The following ZNF732 variants were observed in gnomAD, a reference collection of about 807,000 sequenced individuals.
The protein encoded by ZNF732 is zinc finger protein LOC654254.
Under a neutral mutation model 11.5 loss-of-function variants are expected in ZNF732, and 12 were observed. The ratio of observed to expected loss-of-function variants is 1.05; its 90% CI spans 0.67 to 1.70. The LOEUF (loss-of-function observed/expected upper bound fraction) is 1.70, where lower values mean the gene tolerates loss of function less well. ZNF732 is among the 40% of genes most tolerant of loss of function. The probability of loss-of-function intolerance (pLI) is 0.00; values close to 1 mark genes in which losing one functional copy is unlikely to be tolerated. For missense variants in ZNF732, 702 were observed against 676.9 expected, an observed-to-expected ratio of 1.04 and a Z score of -0.41; for synonymous variants, 231 against 236.5, an observed-to-expected ratio of 0.98 and a Z score of 0.21.
chr4:294,519 C>T (rs1719906551), intron 3 of ZNF732, among the ~76,000 whole-genome samples: 1 of 152,040 alleles, frequency 6.6e-6, no homozygotes, highest in Non-Finnish European at 1.5e-5. Flanking sequence ...AATGATTGAG[C>T]GCTTAATATT....
At chr4:272,781 C>T (rs2108651605) in intron 3 of ZNF732, among the ~76,000 whole-genome samples, 151 bp from the exon 4 acceptor site, 1 of 152,022 alleles carries the variant, frequency 6.6e-6, no homozygotes, top group South Asian at 2.1e-4. Flanking sequence ...ATATATGTAA[C>T]AAACATATAC....
intron 3 of ZNF732, among the ~76,000 whole-genome samples, chr4:292,182 C>A (rs1262901451): frequency 6.6e-6 from 1 of 152,104 alleles, no homozygotes; most frequent in African/African-American, 2.4e-5. Flanking sequence ...ATCAAAAGCA[C>A]AGCAACAAAA....
chr4:277,077 T>A (rs895878638), intron 3 of ZNF732, among the ~76,000 whole-genome samples: 1 of 152,000 alleles, frequency 6.6e-6, no homozygotes, highest in Non-Finnish European at 1.5e-5. Context: ...AATGGTGCTA[T>A]GAAAATTATT....
chr4:299,877 T>C (rs1212156546), intron 1 of ZNF732, among the ~76,000 whole-genome samples: 1 of 145,888 alleles, frequency 6.9e-6, no homozygotes, highest in African/African-American at 2.5e-5. Flanking sequence ...TTTTTTTTTT[T>C]TTTTTAAGTA....
At chr4:298,556 G>T (rs1259124598) in intron 1 of ZNF732, among the ~76,000 whole-genome samples, 1 of 152,150 alleles carries the variant, frequency 6.6e-6, no homozygotes, top group African/African-American at 2.4e-5. Flanking sequence ...CTGTCAGACT[G>T]ACCCCAGTCT....
chr4:299,394 C>T (rs1397481494), intron 1 of ZNF732, among the ~76,000 whole-genome samples: 6 of 72,240 alleles, frequency 8.3e-5, no homozygotes, highest in East Asian at 5.0e-4. Context: ...CACATATGTA[C>T]ACATATGTGT....
rs147468226 is a variant in ZNF732 at position 292,668 on chromosome 4, G to T, written c.226+2770C>A. On this transcript the variant is annotated intron_variant, in intron 3 of 3. Coordinates refer to ENST00000419098, the MANE Select transcript of ZNF732 (RefSeq NM_001137608.3). The stretch of plus-strand genomic sequence containing the variant: ...CCATTCAAAAATAGGCAAAAGGTTA[G>T]ATTTTTTCCCCCCAAAGAAGACATA... Among the ~76,000 whole-genome samples the T allele has an allele frequency of 1.8e-3, 271 of 150,918 alleles. 2 individuals carry two copies. Among genetic ancestry groups the T allele is most frequent in the African/African-American group, 6.2e-3 (258 of 41,288 alleles).
intron 3 of ZNF732, among the ~76,000 whole-genome samples, chr4:281,030 G>A (rs1307183534): frequency 1.3e-5 from 2 of 152,264 alleles, no homozygotes; most frequent in East Asian, 3.9e-4. Context: ...GGATCTTGAC[G>A]TGGCACTATA....
intron 3 of ZNF732, among the ~76,000 whole-genome samples, chr4:291,090 T>C (rs1194742225): frequency 1.3e-5 from 2 of 152,058 alleles, no homozygotes; most frequent in Non-Finnish European, 2.9e-5. Flanking sequence ...AGAACAAAGC[T>C]CTCCTGCTTG....
chr4:291,815 CTTTA>C (rs1719847268), intron 3 of ZNF732, among the ~76,000 whole-genome samples: 1 of 152,072 alleles, frequency 6.6e-6, no homozygotes, highest in African/African-American at 2.4e-5. Context: ...TAATTTTAAA[CTTTA>C]TTTAAAGGTT....
intron 1 of ZNF732, among the ~76,000 whole-genome samples, chr4:301,552 G>C (rs943080535): frequency 6.6e-6 from 1 of 152,216 alleles, no homozygotes; most frequent in African/African-American, 2.4e-5. Context: ...AAAATGATGA[G>C]TTCGTGTCCT....
intron 3 of ZNF732, among the ~76,000 whole-genome samples, chr4:278,438 T>G (rs1355582076): frequency 1.3e-5 from 2 of 152,216 alleles, no homozygotes; most frequent in Non-Finnish European, 2.9e-5. Context: ...TATTTTATTT[T>G]AAAACAGATA....
chr4:298,072 TTA>T (rs1719997475), intron 1 of ZNF732, among the ~76,000 whole-genome samples: 1 of 152,220 alleles, frequency 6.6e-6, no homozygotes, highest in Admixed American at 6.5e-5. Context: ...ACCAAATCCC[TTA>T]TGTTTCTCTA....
chr4:293,578 A>G (rs1719889230), intron 3 of ZNF732, among the ~76,000 whole-genome samples: 1 of 152,070 alleles, frequency 6.6e-6, no homozygotes, highest in South Asian at 2.1e-4. Context: ...TTTTAGTTAT[A>G]AATTGAGTAA....
chr4:286,308 A>G (rs1719729958), intron 3 of ZNF732, among the ~76,000 whole-genome samples: 1 of 152,258 alleles, frequency 6.6e-6, no homozygotes, highest in Admixed American at 6.5e-5. Flanking sequence ...AAAGACAATG[A>G]CAGTGAACAG....
rs1553844328 is a variant in ZNF732 at position 305,434 on chromosome 4, G to A, written c.-124C>T. ...CGCCTCCCTGAGGGGTGAAAGCACG[G>A]CCGTGGAGACCCTAACCGAGCTCAC... On this transcript the variant is annotated 5_prime_UTR_variant, in exon 1 of 4. Transcript: ENST00000419098. 2 of 1,410,164 alleles carry A rather than the reference G, an allele frequency of 1.4e-6. No individual in the cohort carries two copies. The highest frequency in any genetic ancestry group is 1.2e-5 in the South Asian group (1 of 82,888). 87.4% of individuals were successfully genotyped at this position (1,410,164 alleles called of 1,614,324 possible).
chr4:279,850 TAAAAG>T (rs1700250830), intron 3 of ZNF732, among the ~76,000 whole-genome samples: 2 of 152,150 alleles, frequency 1.3e-5, no homozygotes, highest in African/African-American at 2.4e-5. Flanking sequence ...TACTCACCTA[TAAAAG>T]AAAACAGTGA....
rs186579605 is a variant in ZNF732 at position 271,856 on chromosome 4, T to A, written c.1001A>T (p.Tyr334Phe). The change falls in exon 4 of 4, where the codon TAC becomes TTC. Residue 334 changes from tyrosine (Y) to phenylalanine (F), a missense_variant. This residue lies in a region of ZNF732 where 596 missense variants were observed against 557.9 expected (regional missense o/e 1.07). Coordinates refer to ENST00000419098, the MANE Select transcript of ZNF732 (RefSeq NM_001137608.3). ...GGCTTTGCCACATTCTTCACATGTG[T>A]AGGGTTTCTCTCCAGTATGAATTCT... ...HNRIHTGEKP[Y>F]TCEECGKAFS... 26 of 1,613,526 alleles carry A rather than the reference T, an allele frequency of 1.6e-5. No homozygotes were observed. The highest frequency in any genetic ancestry group is 1.2e-4 in the Admixed American group (7 of 59,990).
intron 3 of ZNF732, among the ~76,000 whole-genome samples, chr4:289,991 C>T (rs1034257425): frequency 2.6e-5 from 4 of 152,190 alleles, no homozygotes; most frequent in African/African-American, 9.7e-5. Flanking sequence ...GTGGCTTACA[C>T]ATACAATGAA....
Sources: allele counts gnomAD v4.1 joint callset (sites outside exome capture counted in the v4.1 genomes callset), GRCh38; gene constraint gnomAD v4.1.1; regional missense constraint gnomAD v4.1.1; transcripts MANE v1.5; gene names NCBI Gene and HGNC (gene_info 2026-07-23, HGNC 2026-07-21).